DLG2: variants seen among roughly 807,000 people sequenced by gnomAD.
DLG2 encodes discs large MAGUK scaffold protein 2, also known as disks large homolog 2.
DLG2 carries 45 observed loss-of-function variants against 132.5 expected under a neutral mutation model. The observed-to-expected ratio is 0.34, with a 90% CI of 0.27 to 0.44. The LOEUF (loss-of-function observed/expected upper bound fraction) is 0.44, where lower values mean the gene tolerates loss of function less well. Among genes scored for constraint, DLG2 ranks in the 20% least tolerant of loss-of-function variants. The probability of loss-of-function intolerance (pLI) is 1.00; values close to 1 mark genes in which losing one functional copy is unlikely to be tolerated. For synonymous variants in DLG2, 424 were observed against 419.6 expected (o/e 1.01, Z -0.13); for missense variants, 1,045 against 1,196.9 (o/e 0.87, Z 1.87).
intron 7 of DLG2, among the ~76,000 whole-genome samples, chr11:84,293,396 GGGCACGGT>G (rs1228157563): frequency 1.3e-5 from 2 of 152,044 alleles, no homozygotes; most frequent in East Asian, 3.9e-4. Context: ...ATCATAGGCT[GGGCACGGT>G]GGCTCACGCC....
chr11:84,995,503 T>TA (rs1443396897), intron 6 of DLG2, among the ~76,000 whole-genome samples: 2 of 152,224 alleles, frequency 1.3e-5, no homozygotes, highest in Non-Finnish European at 2.9e-5. Flanking sequence ...ATAAACTACT[T>TA]AAACACATGC....
At chr11:85,394,816 C>T (rs1452030609) in intron 3 of DLG2, among the ~76,000 whole-genome samples, 1 of 152,100 alleles carries the variant, frequency 6.6e-6, no homozygotes, top group East Asian at 1.9e-4. Flanking sequence ...ATGAATGCCT[C>T]CTAATTCCTA....
chr11:84,662,100 G>A (rs1053192123), intron 6 of DLG2, among the ~76,000 whole-genome samples: 1 of 151,842 alleles, frequency 6.6e-6, no homozygotes, highest in African/African-American at 2.4e-5. Flanking sequence ...TAGAGGGCCA[G>A]CTCCTCTCAC....
At chr11:84,704,473 A>T (rs1389450058) in intron 6 of DLG2, among the ~76,000 whole-genome samples, 2 of 151,474 alleles carry the variant, frequency 1.3e-5, no homozygotes, top group Non-Finnish European at 3.0e-5. Context: ...ATATAATGGG[A>T]CTACCATCTA....
At chr11:84,216,714 A>G (rs2096840382) in intron 8 of DLG2, among the ~76,000 whole-genome samples, 1 of 152,168 alleles carries the variant, frequency 6.6e-6, no homozygotes, top group African/African-American at 2.4e-5. Flanking sequence ...AATACTAGCA[A>G]TTGGTGGAGA....
chr11:84,343,754 G>A (rs1477399093), intron 7 of DLG2, among the ~76,000 whole-genome samples: 1 of 151,978 alleles, frequency 6.6e-6, no homozygotes, highest in Admixed American at 6.6e-5. Flanking sequence ...TAAGGTGAAG[G>A]TATTATTGTT....
chr11:84,939,408 C>T (rs1303996922), intron 6 of DLG2, among the ~76,000 whole-genome samples: 2 of 149,896 alleles, frequency 1.3e-5, no homozygotes, highest in Non-Finnish European at 3.0e-5. Context: ...TATAAACATT[C>T]CAATTTTACT....
intron 6 of DLG2, among the ~76,000 whole-genome samples, chr11:84,828,157 T>C (rs1227262042): frequency 1.3e-5 from 2 of 151,662 alleles, no homozygotes; most frequent in Non-Finnish European, 2.9e-5. Context: ...AAGGACTGGA[T>C]AGGCAGGGGC....
At position 84,934,504 on chromosome 11, in the gene DLG2, G is replaced by GTTTTTTTTTTTTTTTTTTTTT. The variant is rs113436905; in HGVS notation, c.357+177156_357+177157insAAAAAAAAAAAAAAAAAAAAA. On this transcript the variant is annotated intron_variant, in intron 6 of 27. Coordinates refer to ENST00000376104, the MANE Select transcript of DLG2 (RefSeq NM_001142699.3). ...TCTGTGAATCTGTATGGTCCTGGGT[G>GTTTTTTTTTTTTTTTTTTTTT]TTTTTTTTTTGTTTTGTTTTGTTTT... Among the ~76,000 whole-genome samples, 3 of 33,884 alleles carry GTTTTTTTTTTTTTTTTTTTTT rather than the reference G, an allele frequency of 8.9e-5. 1 individual carries two copies. Among genetic ancestry groups the GTTTTTTTTTTTTTTTTTTTTT allele is most frequent in the African/African-American group, 1.7e-4 (1 of 5,758 alleles). 22.2% of individuals were successfully genotyped at this position (33,884 alleles called of 152,430 possible).
At chr11:84,049,299 A>G (rs1210529997) in intron 11 of DLG2, among the ~76,000 whole-genome samples, 1 of 151,842 alleles carries the variant, frequency 6.6e-6, no homozygotes, top group Non-Finnish European at 1.5e-5. Context: ...TTATACAATA[A>G]AGTAAAAATC....
intron 5 of DLG2, among the ~76,000 whole-genome samples, chr11:85,145,809 T>C (rs1406073494): frequency 6.6e-6 from 1 of 152,146 alleles, no homozygotes; most frequent in African/African-American, 2.4e-5. Flanking sequence ...TTCATCTATT[T>C]CCACCACTCT....
At chr11:85,295,173 AC>A (rs2079140432) in intron 3 of DLG2, among the ~76,000 whole-genome samples, 2 of 152,118 alleles carry the variant, frequency 1.3e-5, no homozygotes, top group Non-Finnish European at 2.9e-5. Context: ...AGATGTAGGA[AC>A]GTTGTCAATT....
chr11:83,719,175 G>C (rs974406870), intron 18 of DLG2, among the ~76,000 whole-genome samples: 2 of 152,178 alleles, frequency 1.3e-5, no homozygotes, highest in South Asian at 4.1e-4. Flanking sequence ...AAAGTCTGTA[G>C]GTGTATGCAT....
At chr11:84,184,681 T>C (rs2154283326) in intron 8 of DLG2, among the ~76,000 whole-genome samples, 2 of 152,294 alleles carry the variant, frequency 1.3e-5, no homozygotes, top group African/African-American at 4.8e-5. Context: ...CTAGGTTTTC[T>C]TCTAGGGTTT....
intron 6 of DLG2, among the ~76,000 whole-genome samples, chr11:85,020,438 C>A (rs763000128): frequency 1.3e-5 from 2 of 152,126 alleles, no homozygotes; most frequent in African/African-American, 2.4e-5. Context: ...ATGGTGGTTT[C>A]TTTTGCTCTA....
chr11:84,505,058 T>G (rs563000777), intron 7 of DLG2, among the ~76,000 whole-genome samples: 1 of 152,292 alleles, frequency 6.6e-6, no homozygotes. Flanking sequence ...CTTGGATTCA[T>G]GAGAACTAGC....
chr11:85,028,862 C>T (rs1023287977), intron 6 of DLG2, among the ~76,000 whole-genome samples: 1 of 152,136 alleles, frequency 6.6e-6, no homozygotes, highest in Non-Finnish European at 1.5e-5. Flanking sequence ...AAGGGCTGGG[C>T]TCCTGCCTGT....
chr11:85,507,205 C>A (rs1461788918), intron 3 of DLG2, among the ~76,000 whole-genome samples: 4 of 152,066 alleles, frequency 2.6e-5, no homozygotes, highest in Non-Finnish European at 5.9e-5. Flanking sequence ...ATTTAGCCCA[C>A]TTACATTTAA....
At chr11:83,635,330 A>C (rs2064516410) in intron 18 of DLG2, among the ~76,000 whole-genome samples, 1 of 152,216 alleles carries the variant, frequency 6.6e-6, no homozygotes, top group Admixed American at 6.5e-5. Flanking sequence ...ACCTTGGAAG[A>C]GTCAATTAAC....
Sources: gnomAD v4.1 joint callset for allele counts (sites outside exome capture counted in the v4.1 genomes callset) on GRCh38, gnomAD v4.1.1 for gene constraint, MANE v1.5 for transcripts, NCBI Gene and HGNC (gene_info 2026-07-23, HGNC 2026-07-21) for gene names.